The following CHPF2 variants were observed in gnomAD, a reference collection of about 807,000 sequenced individuals.
The protein encoded by CHPF2 is chondroitin polymerizing factor 2, non-catalytic subunit.
In CHPF2, 58 loss-of-function variants were observed where a neutral mutation model predicts 63.0. The ratio of observed to expected loss-of-function variants is 0.92; its 90% CI spans 0.75 to 1.15. The LOEUF is 1.15. Ranked by LOEUF, CHPF2 falls within the 50% of genes most tolerant of loss-of-function variation. CHPF2 has a pLI of 0.00. For synonymous variants in CHPF2, 442 were observed against 438.0 expected, an observed-to-expected ratio of 1.01 and a Z score of -0.11; for missense variants, 1,045 against 1,035.4, an observed-to-expected ratio of 1.01 and a Z score of -0.13.
At position 151,238,714 on chromosome 7, in the gene CHPF2, C is replaced by T. The variant is rs1173415688; in HGVS notation, c.*33C>T. 1.2e-6 allele frequency: 2 copies of T among 1,603,872 alleles called. No individual in the cohort carries two copies. Among genetic ancestry groups the T allele is most frequent in the East Asian group, 2.2e-5 (1 of 44,568 alleles). On this transcript the variant is annotated 3_prime_UTR_variant, in exon 4 of 4. Coordinates refer to ENST00000035307, the MANE Select transcript of CHPF2 (RefSeq NM_019015.3). ...GGGGGCCCTAACCTCATTACCTTTCCTTTGTCTGCCTCAGCCCCAGGAAGG... is the reference window on the plus strand; with the variant it reads ...GGGGGCCCTAACCTCATTACCTTTCTTTTGTCTGCCTCAGCCCCAGGAAGG...
rs1802533639 is a variant in CHPF2 at position 151,233,460 on chromosome 7, G to A, written c.-552G>A. The A allele has an allele frequency of 3.0e-6, 3 of 985,590 alleles. No individual in the cohort carries two copies. In the African/African-American group the frequency reaches 5.2e-5, roughly 17 times the overall value. 61.1% of individuals were successfully genotyped at this position (985,590 alleles called of 1,614,324 possible). ...TTCCCTTGTGCCCACCGGGCCTGCC[G>A]CAGTGGCTCAGCAGCCCCTTCAGTA... is the stretch of plus-strand genomic sequence containing the variant. On this transcript the variant is annotated 5_prime_UTR_variant, in exon 1 of 4. Coordinates refer to ENST00000035307, the MANE Select transcript of CHPF2 (RefSeq NM_019015.3).
chr7:151,236,537 C>T lies in CHPF2; in HGVS notation c.958C>T (p.Arg320Cys), dbSNP rs376421293. The change falls in exon 3 of 4, where the codon CGC becomes TGC. Residue 320 changes from arginine to cysteine, a missense_variant. By Grantham distance (180) the Arg-to-Cys change is radical (BLOSUM62 -3). Transcript: ENST00000035307. ...EGTLMYRLHKRFSALELERAY... is the reference protein window; with the variant it reads ...EGTLMYRLHKCFSALELERAY... ...TACCCTCATGTACCGGCTCCACAAA[C>T]GCTTCAGCGCTCTGGAGTTGGAGCG... 4.8e-5 allele frequency: 77 copies of T among 1,605,616 alleles called. No homozygotes were observed. Among genetic ancestry groups the T allele is most frequent in the African/African-American group, 6.7e-5 (5 of 74,892 alleles).
In CHPF2 at chr7:151,233,802, G is replaced by A. The variant is rs899116074; in HGVS notation, c.-210G>A. 3 of 1,238,394 alleles carry A rather than the reference G, an allele frequency of 2.4e-6. No homozygotes were observed. Among genetic ancestry groups the A allele is most frequent in the Non-Finnish European group, 3.0e-6 (3 of 992,178 alleles). The allele number at this position is 1,238,394 out of a possible 1,614,324, so 76.7% of individuals were successfully genotyped here. A position where few individuals can be genotyped will look rare whatever the true frequency, so the allele number is the denominator to read the frequency against. On this transcript the variant is annotated 5_prime_UTR_variant, in exon 1 of 4. Transcript: ENST00000035307. The stretch of plus-strand genomic sequence containing the variant: ...GGGGGTTAGTTCCGACACCTTCACA[G>A]TTGAAGAGCAGGCAGAAGGAGTTGT...
In CHPF2 at chr7:151,235,244, G is replaced by T; in HGVS notation, c.460G>T (p.Glu154Ter). The T allele has an allele frequency of 1.2e-6, 2 of 1,613,160 alleles. No homozygotes were observed. Among genetic ancestry groups the T allele is most frequent in the Non-Finnish European group, 1.7e-6 (2 of 1,179,450 alleles). ...AGMQVVSHGDERPAWLMSETL... is the reference protein window; with the variant it reads ...AGMQVVSHGD The stretch of plus-strand genomic sequence containing the variant: ...GATGCAGGTGGTGTCTCATGGGGAT[G>T]AGCGGCCCGCCTGGCTCATGTCAGA... Residue 154 changes from glutamate to a stop codon, truncating the protein, a stop_gained, in exon 2 of 4, where the codon GAG becomes TAG. Coordinates refer to ENST00000035307, the MANE Select transcript of CHPF2 (RefSeq NM_019015.3). LOFTEE classifies it high-confidence loss of function.
In CHPF2 at chr7:151,236,414, C is replaced by T. The variant is rs1359192792; in HGVS notation, c.835C>T (p.Gln279Ter). 2 of 1,577,032 alleles carry T rather than the reference C, an allele frequency of 1.3e-6. No individual in the cohort carries two copies. Among genetic ancestry groups the T allele is most frequent in the Non-Finnish European group, 1.7e-6 (2 of 1,155,078 alleles). Reference protein sequence around the residue: ...VGCVSQHQGQQYRSFELAKNR... With the variant: ...VGCVSQHQGQ ...GGTCTGATTGTCCCTCTAGGGGCAG[C>T]AGTATCGCTCATTTGAACTGGCCAA... The change falls in exon 3 of 4, where the codon CAG becomes TAG. Residue 279 changes from glutamine (Q) to a stop codon, truncating the protein, a stop_gained. Coordinates refer to ENST00000035307, the MANE Select transcript of CHPF2 (RefSeq NM_019015.3). LOFTEE classifies it high-confidence loss of function.
In CHPF2 at chr7:151,235,542, C is replaced by T. The variant is rs1386103365; in HGVS notation, c.758C>T (p.Ala253Val). The change falls in exon 2 of 4, where the codon GCC becomes GTC. Residue 253 changes from alanine (A) to valine (V), a missense_variant. By Grantham distance (64) the Ala-to-Val change is moderately conservative (BLOSUM62 0). Transcript: ENST00000035307. ...GGCTGCCGAGGAGACATTCTCAGTGCCCGTCCTGACGAGTGGCTTGGACGC... is the reference window on the plus strand; with the variant it reads ...GGCTGCCGAGGAGACATTCTCAGTGTCCGTCCTGACGAGTGGCTTGGACGC... ...LDGCRGDILS[A>V]RPDEWLGRCL... 6.2e-6 allele frequency: 10 copies of T among 1,610,848 alleles called. No homozygotes were observed. In the Admixed American group the frequency reaches 1.5e-4, roughly 24 times the overall value.
In CHPF2 at chr7:151,238,251, T is replaced by C; in HGVS notation, c.1889T>C (p.Leu630Pro). The C allele has an allele frequency of 6.2e-7, 1 of 1,612,774 alleles. No individual in the cohort carries two copies. The highest frequency in any genetic ancestry group is 8.5e-7 in the Non-Finnish European group (1 of 1,179,928). The change falls in exon 4 of 4, where the codon CTG (leucine) becomes CCG (proline). Residue 630 changes from leucine (L) to proline (P), a missense_variant. By Grantham distance (98) the Leu-to-Pro change is moderately conservative (BLOSUM62 -3). Transcript: ENST00000035307. ...PVHFQEFNPA[L>P]SPQRSPPGPP... ...CATTTCCAGGAGTTCAATCCTGCCC[T>C]GTCACCACAGAGATCACCCCCAGGG...
chr7:151,236,561 C>A lies in CHPF2; in HGVS notation c.982C>A (p.Arg328=). 2 of 1,596,100 alleles carry A rather than the reference C, an allele frequency of 1.3e-6. No individual in the cohort carries two copies. The highest frequency in any genetic ancestry group is 1.1e-5 in the South Asian group (1 of 89,804). Residue 328 remains arginine (R), a synonymous_variant, in exon 3 of 4, where the codon CGG becomes AGG. Transcript: ENST00000035307. ...ACGCTTCAGCGCTCTGGAGTTGGAGCGGGCTTACAGTGAAATAGAACAACT... is the reference window on the plus strand; with the variant it reads ...ACGCTTCAGCGCTCTGGAGTTGGAGAGGGCTTACAGTGAAATAGAACAACT... ...HKRFSALELE[R]AYSEIEQLQA...
intron 3 of CHPF2, chr7:151,236,864 C>T: frequency 3.4e-6 from 2 of 587,452 alleles, no homozygotes; most frequent in Non-Finnish European, 6.4e-6. Flanking sequence ...TCAGGAAGCT[C>T]CGCACAGTGT....
intron 1 of CHPF2, 141 bp downstream of exon 1, chr7:151,234,415 C>A: frequency 1.8e-6 from 1 of 570,960 alleles, no homozygotes; most frequent in Non-Finnish European, 2.8e-6. Context: ...TGGTTTCTTT[C>A]TGTTTTTTCC....
chr7:151,235,739 C>A, intron 2 of CHPF2, 127 bp downstream of exon 2: 1 of 894,632 alleles, frequency 1.1e-6, no homozygotes, highest in Non-Finnish European at 1.7e-6. Flanking sequence ...CTCTGTGGGC[C>A]CTCCGTTGCT....
chr7:151,232,554 T>C lies in CHPF2; in HGVS notation c.-1458T>C. The C allele has an allele frequency of 1.9e-6, 1 of 524,552 alleles. No individual in the cohort carries two copies. Among genetic ancestry groups the C allele is most frequent in the Non-Finnish European group, 3.3e-6 (1 of 302,524 alleles). The allele number at this position is 524,552 out of a possible 1,614,324, so 32.5% of individuals were successfully genotyped here. ...GCGGAGCCGGCGCCTCAGCGGGCAC[T>C]GGGGTCTGTTCCCCCTTCCCCGTCC... On this transcript the variant is annotated 5_prime_UTR_variant, in exon 1 of 4. Transcript: ENST00000035307.
At position 151,234,358 on chromosome 7, in the gene CHPF2, C is replaced by T; in HGVS notation, c.263+84C>T. ...ATCCTTGCCTCTGCCTTTCCATTGGCAATCGGCGTCGGGCGACTTGGAGCA... is the reference window on the plus strand; with the variant it reads ...ATCCTTGCCTCTGCCTTTCCATTGGTAATCGGCGTCGGGCGACTTGGAGCA... On this transcript the variant is annotated intron_variant, in intron 1 of 3. Coordinates refer to ENST00000035307, the MANE Select transcript of CHPF2 (RefSeq NM_019015.3). 2 of 1,097,680 alleles carry T rather than the reference C, an allele frequency of 1.8e-6. 1 individual carries two copies. Among genetic ancestry groups the T allele is most frequent in the South Asian group, 5.1e-5 (2 of 39,304 alleles). 68.0% of individuals were successfully genotyped at this position (1,097,680 alleles called of 1,614,324 possible).
chr7:151,238,144 C>T lies in CHPF2; in HGVS notation c.1782C>T (p.Thr594=), dbSNP rs766686871. ...TGGACACTCTCTTCTTCCTTACCAC[C>T]GTGTGGACAAGGCCTGGGCCCGAAG... ...HPVDTLFFLT[T]VWTRPGPEVL... is the part of the protein sequence containing the mutation. Residue 594 remains threonine (T), a synonymous_variant, in exon 4 of 4, where the codon ACC becomes ACT. Coordinates refer to ENST00000035307, the MANE Select transcript of CHPF2 (RefSeq NM_019015.3). 25 of 1,612,352 alleles carry T rather than the reference C, an allele frequency of 1.6e-5. No individual in the cohort carries two copies. The highest frequency in any genetic ancestry group is 6.7e-5 in the Admixed American group (4 of 60,008).
Position 151,237,631 on chromosome 7 carries a change from C to T in CHPF2, c.1269C>T (p.Arg423=). 1 of 1,613,372 alleles carries T rather than the reference C, an allele frequency of 6.2e-7. No individual in the cohort carries two copies. Among genetic ancestry groups the T allele is most frequent in the Non-Finnish European group, 8.5e-7 (1 of 1,179,940 alleles). Reference sequence around the variant, plus strand: ...ATCGGCGCTATCAGCCCCGCCTGCGCTTCCAGAAGCAGCGACTGCTCAACG... The same window carrying T: ...ATCGGCGCTATCAGCCCCGCCTGCGTTTCCAGAAGCAGCGACTGCTCAACG... The part of the protein sequence containing the change: ...QLNRRYQPRL[R]FQKQRLLNGY... Residue 423 remains arginine, a synonymous_variant, in exon 4 of 4, where the codon CGC becomes CGT. Coordinates refer to ENST00000035307, the MANE Select transcript of CHPF2 (RefSeq NM_019015.3).
Position 151,234,285 on chromosome 7 carries a change from C to G in CHPF2, c.263+11C>G. The G allele has an allele frequency of 6.5e-7, 1 of 1,541,674 alleles. No homozygotes were observed. The highest frequency in any genetic ancestry group is 8.7e-7 in the Non-Finnish European group (1 of 1,143,130). ...CAAGAAGGTGCTCAGGTGAGAGCAA[C>G]ATGTGTGCATAGTCCCCAGACACTG... On this transcript the variant is annotated intron_variant, in intron 1 of 3. Coordinates refer to ENST00000035307, the MANE Select transcript of CHPF2 (RefSeq NM_019015.3).
rs1554485365 is a variant in CHPF2, at chr7:151,238,342, A to T, written c.1980A>T (p.Ile660=). The part of the protein sequence containing the change: ...PGADPSRGAP[I]GGRFDRQASA... Reference sequence around the variant, plus strand: ...CTGACCCCTCCCGGGGGGCTCCTATAGGGGGGAGATTTGACCGGCAGGCTT... The same window carrying T: ...CTGACCCCTCCCGGGGGGCTCCTATTGGGGGGAGATTTGACCGGCAGGCTT... Residue 660 remains isoleucine, a synonymous_variant, in exon 4 of 4, where the codon ATA becomes ATT. Coordinates refer to ENST00000035307, the MANE Select transcript of CHPF2 (RefSeq NM_019015.3). The T allele has an allele frequency of 6.2e-7, 1 of 1,609,122 alleles. No individual in the cohort carries two copies. Among genetic ancestry groups the T allele is most frequent in the South Asian group, 1.1e-5 (1 of 90,828 alleles).
At chr7:151,235,711 C>A in intron 2 of CHPF2, 99 bp downstream of exon 2, 1 of 1,198,260 alleles carries the variant, frequency 8.3e-7, no homozygotes, top group South Asian at 1.4e-5. Context: ...ATTGTTCCCC[C>A]TTCCTGGCCA....
chr7:151,237,296 A>G (rs1022364947), intron 3 of CHPF2, 78 bp from the exon 4 acceptor site: 45 of 1,155,454 alleles, frequency 3.9e-5, no homozygotes, highest in Non-Finnish European at 5.0e-5. Context: ...AGCTGTTTGA[A>G]TCTCAGAGCC....
Sources: allele counts gnomAD v4.1 joint callset, GRCh38; gene constraint gnomAD v4.1.1; transcripts MANE v1.5; gene names NCBI Gene and HGNC (gene_info 2026-07-23, HGNC 2026-07-21).